Variants in SRPK2 observed in about 807,000 individuals in gnomAD.
SRPK2 encodes the protein SRSF protein kinase 2.
Under a neutral mutation model 90.8 loss-of-function variants are expected in SRPK2, and 21 were observed. The ratio of observed to expected loss-of-function variants is 0.23; its 90% CI spans 0.16 to 0.33. The LOEUF (loss-of-function observed/expected upper bound fraction) is 0.33. Ranked by LOEUF, SRPK2 falls within the 10% of genes least tolerant of loss-of-function variation. The pLI is 1.00. For synonymous variants in SRPK2, 288 were observed against 311.1 expected, an observed-to-expected ratio of 0.93 and a Z score of 0.78; for missense variants, 620 against 869.0, an observed-to-expected ratio of 0.71 and a Z score of 3.60.
At chr7:105,319,453 A>G (rs1163883588) in intron 2 of SRPK2, among the ~76,000 whole-genome samples, 2 of 115,052 alleles carry the variant, frequency 1.7e-5, no homozygotes, top group Admixed American at 1.3e-4. Context: ...GTGATTAACA[A>G]TTTTTAGTTT....
chr7:105,180,608 A>C (rs1472346706), intron 3 of SRPK2, among the ~76,000 whole-genome samples: 1 of 152,136 alleles, frequency 6.6e-6, no homozygotes, highest in Non-Finnish European at 1.5e-5. Context: ...AAATACAAAA[A>C]TTAGCCAGGT....
intron 2 of SRPK2, among the ~76,000 whole-genome samples, chr7:105,304,881 C>T (rs1309934718): frequency 6.6e-6 from 1 of 152,150 alleles, no homozygotes; most frequent in Non-Finnish European, 1.5e-5. Context: ...GGGACACCCT[C>T]TTCACTAAAA....
At chr7:105,233,220 C>T (rs1216887150) in intron 2 of SRPK2, among the ~76,000 whole-genome samples, 1 of 152,112 alleles carries the variant, frequency 6.6e-6, no homozygotes, top group Non-Finnish European at 1.5e-5. Context: ...AACTGAGTGG[C>T]TGTCTATAGT....
Position 105,170,840 on chromosome 7 carries a change from A to G in SRPK2, c.230-1575T>C, listed in dbSNP as rs185981200. Among the ~76,000 whole-genome samples the G allele has an allele frequency of 7.1e-3, 57 of 8,016 alleles. 1 individual carries two copies. Among genetic ancestry groups the G allele is most frequent in the East Asian group, 0.039 (11 of 284 alleles). 5.3% of individuals were successfully genotyped at this position (8,016 alleles called of 152,430 possible). A position where few individuals can be genotyped will look rare whatever the true frequency, so the allele number is the denominator to read the frequency against. Reference sequence around the variant, plus strand: ...GGGAGAGAAAGAGAAAGAAAGGAAGAAAGAAAGAAAGAAAGAAAGAAAGAA... The same window carrying G: ...GGGAGAGAAAGAGAAAGAAAGGAAGGAAGAAAGAAAGAAAGAAAGAAAGAA... On this transcript the variant is annotated intron_variant, in intron 3 of 15. Coordinates refer to ENST00000393651, the MANE Select transcript of SRPK2 (RefSeq NM_182692.3).
At chr7:105,312,112 T>C (rs1482589708) in intron 2 of SRPK2, among the ~76,000 whole-genome samples, 1 of 152,068 alleles carries the variant, frequency 6.6e-6, no homozygotes, top group Admixed American at 6.6e-5. Flanking sequence ...CATGAACAAA[T>C]AATTTCAAGA....
intron 2 of SRPK2, among the ~76,000 whole-genome samples, chr7:105,269,978 T>C (rs1805612758): frequency 6.6e-6 from 1 of 152,268 alleles, no homozygotes; most frequent in Non-Finnish European, 1.5e-5. Context: ...TCAATAGTTT[T>C]TTAAGCAGTA....
chr7:105,384,794 C>G (rs1001432558), intron 2 of SRPK2, among the ~76,000 whole-genome samples: 1 of 152,144 alleles, frequency 6.6e-6, no homozygotes, highest in Admixed American at 6.6e-5. Context: ...ACACACTCAA[C>G]GTCACCCGGT....
chr7:105,330,388 A>T (rs571862925), intron 2 of SRPK2, among the ~76,000 whole-genome samples: 2 of 151,812 alleles, frequency 1.3e-5, no homozygotes, highest in South Asian at 4.1e-4. Flanking sequence ...ATAAAAATAA[A>T]ATAAAACCAG....
At chr7:105,257,135 G>A (rs549470435) in intron 2 of SRPK2, among the ~76,000 whole-genome samples, 2 of 152,246 alleles carry the variant, frequency 1.3e-5, no homozygotes, top group South Asian at 4.1e-4. Context: ...TGGCTTTGTG[G>A]CTCCCTGATT....
chr7:105,136,098 C>T (rs541240628), intron 11 of SRPK2, among the ~76,000 whole-genome samples: 36 of 152,254 alleles, frequency 2.4e-4, no homozygotes, highest in Non-Finnish European at 4.3e-4. Context: ...CTTAATATCC[C>T]TCATTAAGGT....
chr7:105,309,780 G>A (rs997840929), intron 2 of SRPK2, among the ~76,000 whole-genome samples: 2 of 152,142 alleles, frequency 1.3e-5, no homozygotes, highest in African/African-American at 2.4e-5. Flanking sequence ...ACATCCACCA[G>A]TTTGCCTCCT....
intron 7 of SRPK2, among the ~76,000 whole-genome samples, chr7:105,153,776 A>G (rs1209406927): frequency 6.6e-6 from 1 of 152,100 alleles, no homozygotes; most frequent in Non-Finnish European, 1.5e-5. Context: ...AGAGAAACCC[A>G]CGTGGGCAGC....
At chr7:105,254,238 TA>T (rs931095032) in intron 2 of SRPK2, among the ~76,000 whole-genome samples, 3 of 152,206 alleles carry the variant, frequency 2.0e-5, no homozygotes, top group African/African-American at 7.2e-5. Context: ...AGTAAAGACC[TA>T]AAGAACAGAG....
intron 1 of SRPK2, among the ~76,000 whole-genome samples, chr7:105,398,381 C>CTTTTTTTT (rs1183621196): frequency 7.4e-6 from 1 of 135,092 alleles, no homozygotes; most frequent in African/African-American, 2.7e-5. Context: ...ACCCAGCCTC[C>CTTTTTTTT]TTTTTTTTTT....
intron 15 of SRPK2, among the ~76,000 whole-genome samples, chr7:105,125,056 G>C (rs1027387637): frequency 5.3e-5 from 8 of 150,702 alleles, no homozygotes; most frequent in Admixed American, 4.6e-4. Context: ...CTTGAACCTG[G>C]GAGGCACAGG....
intron 2 of SRPK2, among the ~76,000 whole-genome samples, chr7:105,288,244 A>G (rs892638255): frequency 4.6e-5 from 7 of 152,220 alleles, no homozygotes; most frequent in Non-Finnish European, 8.8e-5. Flanking sequence ...AGGATCTTAC[A>G]ACATAACAAA....
chr7:105,251,377 T>C (rs1348992610), intron 2 of SRPK2, among the ~76,000 whole-genome samples: 1 of 152,128 alleles, frequency 6.6e-6, no homozygotes, highest in Non-Finnish European at 1.5e-5. Flanking sequence ...CTTTTTTCTT[T>C]TCTTTTTTTA....
At chr7:105,382,272 G>A (rs1821033475) in intron 2 of SRPK2, among the ~76,000 whole-genome samples, 1 of 152,104 alleles carries the variant, frequency 6.6e-6, no homozygotes, top group Non-Finnish European at 1.5e-5. Flanking sequence ...GGAAAGCACA[G>A]CCAGGCACGG....
intron 2 of SRPK2, among the ~76,000 whole-genome samples, chr7:105,254,378 G>A (rs916601615): frequency 1.3e-5 from 2 of 152,144 alleles, no homozygotes; most frequent in South Asian, 2.1e-4. Flanking sequence ...CAATGACAAC[G>A]TAAAGATGTA....
Sources: gnomAD v4.1 joint callset for allele counts (sites outside exome capture counted in the v4.1 genomes callset) on GRCh38, gnomAD v4.1.1 for gene constraint, MANE v1.5 for transcripts, NCBI Gene and HGNC (gene_info 2026-07-23, HGNC 2026-07-21) for gene names.